Variants in RIN2 observed in about 807,000 individuals in gnomAD.
RIN2 encodes the protein RAB5 interacting protein 2.
RIN2 carries 36 observed loss-of-function variants against 78.0 expected under a neutral mutation model. The ratio of observed to expected loss-of-function variants is 0.46; its 90% CI spans 0.35 to 0.61. The LOEUF (loss-of-function observed/expected upper bound fraction) is 0.61. Ranked by LOEUF, RIN2 falls within the 20% of genes least tolerant of loss-of-function variation. The pLI is 0.00. For missense variants in RIN2, 1,087 were observed against 1,159.7 expected (o/e 0.94, Z 0.91); for synonymous variants, 466 against 466.8 (o/e 1.00, Z 0.02).
At chr20:19,902,185 G>A (rs2039018487) in intron 3 of RIN2, among the ~76,000 whole-genome samples, 1 of 152,102 alleles carries the variant, frequency 6.6e-6, no homozygotes, top group African/African-American at 2.4e-5. Flanking sequence ...TGAAGTATGT[G>A]GTGGCTCCGT....
chr20:19,770,903 G>A (rs374132109), intron 1 of RIN2, among the ~76,000 whole-genome samples: 83 of 118,908 alleles, frequency 7.0e-4, no homozygotes, highest in Non-Finnish European at 1.8e-4. Context: ...CACTAGGGCC[G>A]CAAGTCCCGG....
intron 1 of RIN2, among the ~76,000 whole-genome samples, chr20:19,796,295 C>T (rs1325230753): frequency 2.6e-5 from 4 of 152,146 alleles, no homozygotes; most frequent in African/African-American, 9.7e-5. Context: ...GTCTGAAATC[C>T]AGTATGTTTT....
chr20:19,780,908 A>G (rs537631430), intron 1 of RIN2, among the ~76,000 whole-genome samples: 2 of 152,328 alleles, frequency 1.3e-5, no homozygotes, highest in Admixed American at 1.3e-4. Context: ...AAGGTAAATA[A>G]TAGAGGTCTT....
intron 4 of RIN2, among the ~76,000 whole-genome samples, chr20:19,944,382 G>A (rs145247485): frequency 6.6e-6 from 1 of 152,272 alleles, no homozygotes; most frequent in East Asian, 1.9e-4. Flanking sequence ...CATTTGAGGT[G>A]TATATTTGTG....
At chr20:19,853,736 T>C (rs990546835) in intron 2 of RIN2, among the ~76,000 whole-genome samples, 2 of 152,232 alleles carry the variant, frequency 1.3e-5, no homozygotes, top group African/African-American at 4.8e-5. Context: ...GGTTGTTTTT[T>C]TCTTGTAAAT....
At chr20:19,889,761 C>A (rs2038359330) in intron 3 of RIN2, 103 bp downstream of exon 3, 1 of 901,786 alleles carries the variant, frequency 1.1e-6, no homozygotes, top group Non-Finnish European at 1.6e-6. Flanking sequence ...GCTCTCTGAG[C>A]CAGCACCGGC....
At chr20:19,816,964 T>C (rs2035784868) in intron 2 of RIN2, among the ~76,000 whole-genome samples, 1 of 152,198 alleles carries the variant, frequency 6.6e-6, no homozygotes, top group Admixed American at 6.5e-5. Context: ...AATACAATAT[T>C]GGCATGATTG....
chr20:19,985,731 A>G (rs1320529741), intron 9 of RIN2, among the ~76,000 whole-genome samples: 2 of 152,106 alleles, frequency 1.3e-5, no homozygotes, highest in Non-Finnish European at 2.9e-5. Context: ...CAACAAAAAG[A>G]CCTTAATGAG....
At chr20:19,849,304 A>G (rs753502693) in intron 2 of RIN2, among the ~76,000 whole-genome samples, 3 of 152,194 alleles carry the variant, frequency 2.0e-5, no homozygotes, top group Non-Finnish European at 4.4e-5. Flanking sequence ...CTGACCAACT[A>G]TCAAGACACT....
At chr20:19,931,709 C>CTTTTTTTTTTTTTTTTT (rs57734791) in intron 3 of RIN2, among the ~76,000 whole-genome samples, 1 of 128,128 alleles carries the variant, frequency 7.8e-6, no homozygotes, top group African/African-American at 3.0e-5. Context: ...CTCGATTTGC[C>CTTTTTTTTTTTTTTTTT]TTTTTTTTTT....
At position 19,788,432 on chromosome 20, in the gene RIN2, C is replaced by CAAAAAAAAAAAAAAAAAAAAAAAA. The variant is rs1224663738; in HGVS notation, c.-162-11173_-162-11172insAAAAAAAAAAAAAAAAAAAAAAAA. On this transcript the variant is annotated intron_variant, in intron 1 of 12. Transcript: ENST00000255006. ...CAACATGGCGAAATCCTGTCTCTGCCAAAAAAAAAAAAAAAAACAACTAGC... is the reference window on the plus strand; with the variant it reads ...CAACATGGCGAAATCCTGTCTCTGCCAAAAAAAAAAAAAAAAAAAAAAAAAAAAAAAAAAAAAAAAACAACTAGC... Among the ~76,000 whole-genome samples, 9 of 53,744 alleles carry CAAAAAAAAAAAAAAAAAAAAAAAA rather than the reference C, an allele frequency of 1.7e-4. 1 individual carries two copies. The highest frequency in any genetic ancestry group is 7.7e-4 in the African/African-American group (7 of 9,116). 35.3% of individuals were successfully genotyped at this position (53,744 alleles called of 152,430 possible). A position where few individuals can be genotyped will look rare whatever the true frequency, so the allele number is the denominator to read the frequency against.
intron 2 of RIN2, among the ~76,000 whole-genome samples, chr20:19,856,858 G>A (rs898565968): frequency 3.9e-5 from 6 of 152,120 alleles, no homozygotes; most frequent in African/African-American, 1.2e-4. Context: ...ATCTTGCAAC[G>A]TGGCCAGTAG....
chr20:19,975,530 G>A lies in RIN2; in HGVS notation c.1505G>A (p.Gly502Glu), dbSNP rs371327821. The change falls in exon 9 of 13, where the codon GGG becomes GAG. Residue 502 changes from glycine to glutamate, a missense_variant. Coordinates refer to ENST00000255006, the MANE Select transcript of RIN2 (RefSeq NM_018993.4). The surrounding 1 kb of genome is among the most constrained non-coding windows in gnomAD (Gnocchi z 4.9). ...AAGTCCCAGCTGCAGAAGGTGAGCG[G>A]GGTGTTCAGCTCCTTCATGACCCCG... is the stretch of plus-strand genomic sequence containing the variant. ...LVKSQLQKVS[G>E]VFSSFMTPEK... The A allele has an allele frequency of 3.1e-6, 5 of 1,614,022 alleles. No individual in the cohort carries two copies. Among genetic ancestry groups the A allele is most frequent in the Non-Finnish European group, 4.2e-6 (5 of 1,179,898 alleles).
At chr20:19,932,639 A>AAGT (rs1470616517) in intron 3 of RIN2, among the ~76,000 whole-genome samples, 2 of 152,058 alleles carry the variant, frequency 1.3e-5, no homozygotes, top group Non-Finnish European at 2.9e-5. Flanking sequence ...TCTGACCTCT[A>AAGT]AGTCCTGGGA....
chr20:19,858,841 G>A (rs959290281), intron 2 of RIN2, among the ~76,000 whole-genome samples: 2 of 152,224 alleles, frequency 1.3e-5, no homozygotes, highest in Non-Finnish European at 2.9e-5. Flanking sequence ...AAGAGACCCT[G>A]GCAGGGCCTG....
At chr20:19,856,686 G>C (rs1278740826) in intron 2 of RIN2, among the ~76,000 whole-genome samples, 1 of 152,126 alleles carries the variant, frequency 6.6e-6, no homozygotes, top group African/African-American at 2.4e-5. Context: ...GGCAATGTCT[G>C]TTTCATTAGA....
At chr20:19,982,104 C>T (rs1199413517) in intron 9 of RIN2, among the ~76,000 whole-genome samples, 1 of 152,150 alleles carries the variant, frequency 6.6e-6, no homozygotes, top group Non-Finnish European at 1.5e-5. Flanking sequence ...AGAGGGCTTC[C>T]CCTCAAAGAG....
At chr20:19,830,733 G>A (rs1034457784) in intron 2 of RIN2, among the ~76,000 whole-genome samples, 1 of 152,228 alleles carries the variant, frequency 6.6e-6, no homozygotes, top group African/African-American at 2.4e-5. Context: ...TTGTTGCCCG[G>A]CTGCTGGGAG....
At chr20:19,804,232 A>G (rs2035334161) in intron 2 of RIN2, among the ~76,000 whole-genome samples, 1 of 152,136 alleles carries the variant, frequency 6.6e-6, no homozygotes, top group South Asian at 2.1e-4. Flanking sequence ...TTCCAATACT[A>G]TGTTGAATAG....
Sources: gnomAD v4.1 joint callset for allele counts (sites outside exome capture counted in the v4.1 genomes callset) on GRCh38, gnomAD v4.1.1 for gene constraint, Gnocchi (gnomAD v3.1) non-coding constraint, MANE v1.5 for transcripts, NCBI Gene and HGNC (gene_info 2026-07-23, HGNC 2026-07-21) for gene names.